SLC7A14: variants seen among roughly 807,000 people sequenced by gnomAD.
The protein encoded by SLC7A14 is gamma-aminobutyric acid transporter SLC7A14.
SLC7A14 carries 37 observed loss-of-function variants against 60.2 expected under a neutral mutation model. The ratio of observed to expected loss-of-function variants is 0.61; its 90% CI spans 0.47 to 0.81. The LOEUF (loss-of-function observed/expected upper bound fraction) is 0.81, where lower values mean the gene tolerates loss of function less well. Ranked by LOEUF, SLC7A14 falls within the 30% of genes least tolerant of loss-of-function variation. The pLI, the probability that SLC7A14 is intolerant of heterozygous loss-of-function variation, is 0.00. For synonymous variants in SLC7A14, 399 were observed against 395.8 expected, an observed-to-expected ratio of 1.01 and a Z score of -0.10; for missense variants, 886 against 982.7, an observed-to-expected ratio of 0.90 and a Z score of 1.32.
intron 1 of SLC7A14, among the ~76,000 whole-genome samples, chr3:170,562,404 C>T (rs985014960): frequency 2.0e-5 from 3 of 150,402 alleles, no homozygotes; most frequent in African/African-American, 7.3e-5. Context: ...GAAAATGAAA[C>T]TTGTATGTTC....
chr3:170,480,950 C>G lies in SLC7A14; in HGVS notation c.1332G>C (p.Leu444Phe). The G allele has an allele frequency of 1.2e-6, 2 of 1,614,086 alleles. No individual in the cohort carries two copies. The highest frequency in any genetic ancestry group is 1.7e-6 in the Non-Finnish European group (2 of 1,180,028). Reference sequence around the variant, plus strand: ...CCTTCTTCTTGGTGTGCTCCTCAGACAAGAACTTGACAAAACCATCAATGT... The same window carrying G: ...CCTTCTTCTTGGTGTGCTCCTCAGAGAAGAACTTGACAAAACCATCAATGT... ...ESDIDGFVKF[L>F]SEEHTKKKEG... Residue 444 changes from leucine (L) to phenylalanine (F), a missense_variant, in exon 7 of 8, where the codon TTG becomes TTC. Leu to Phe is a conservative substitution (Grantham distance 22). Coordinates refer to ENST00000231706, the MANE Select transcript of SLC7A14 (RefSeq NM_020949.3).
rs536834948 is a variant in SLC7A14 at position 170,468,818 on chromosome 3, C to A, written c.1994-1441G>T. ...ATGAGAGCTATAGCAACCCTCTTAA[C>A]ATGGGAGTGCTTGAGGATGAAATGA... On this transcript the variant is annotated intron_variant, in intron 7 of 7. Transcript: ENST00000231706. Among the ~76,000 whole-genome samples, 6 of 152,296 alleles carry A rather than the reference C, an allele frequency of 3.9e-5. No individual in the cohort carries two copies. The South Asian group carries it at 1.2e-3, about 32-fold the overall frequency.
intron 1 of SLC7A14, among the ~76,000 whole-genome samples, chr3:170,566,690 C>T (rs920007332): frequency 2.6e-5 from 4 of 151,930 alleles, no homozygotes; most frequent in South Asian, 4.2e-4. Flanking sequence ...CGTCAAGGCC[C>T]GGAAGAGATG....
chr3:170,576,489 G>T (rs1287085274), intron 1 of SLC7A14, among the ~76,000 whole-genome samples: 3 of 152,080 alleles, frequency 2.0e-5, no homozygotes, highest in Non-Finnish European at 4.4e-5. Flanking sequence ...AGCTTCTGGG[G>T]GCTAATTTTA....
intron 1 of SLC7A14, among the ~76,000 whole-genome samples, chr3:170,554,599 G>A (rs887590919): frequency 2.6e-5 from 4 of 152,146 alleles, no homozygotes; most frequent in African/African-American, 9.7e-5. Context: ...TGAGCCACCA[G>A]CTGCCCTGAC....
At chr3:170,568,516 C>T (rs1382706795) in intron 1 of SLC7A14, among the ~76,000 whole-genome samples, 1 of 152,102 alleles carries the variant, frequency 6.6e-6, no homozygotes, top group Non-Finnish European at 1.5e-5. Flanking sequence ...TCCATATGAA[C>T]TTTAAAGTAG....
intron 1 of SLC7A14, among the ~76,000 whole-genome samples, chr3:170,555,668 T>A (rs75639003): frequency 0.013 from 1,956 of 152,234 alleles, 42 homozygotes; most frequent in African/African-American, 0.045. Context: ...ACTATACTAA[T>A]ACTGGAGGCA....
intron 1 of SLC7A14, among the ~76,000 whole-genome samples, chr3:170,560,843 C>T (rs758573392): frequency 1.3e-5 from 2 of 152,196 alleles, no homozygotes; most frequent in East Asian, 1.9e-4. Flanking sequence ...TGCATTGCTT[C>T]GGTCACATAT....
chr3:170,539,942 C>G (rs1713966699), intron 1 of SLC7A14, among the ~76,000 whole-genome samples: 1 of 152,182 alleles, frequency 6.6e-6, no homozygotes, highest in Non-Finnish European at 1.5e-5. Context: ...AGCATCACTA[C>G]TATTGTACTT....
chr3:170,496,797 C>T (rs1712413041), intron 4 of SLC7A14, among the ~76,000 whole-genome samples: 1 of 152,206 alleles, frequency 6.6e-6, no homozygotes, highest in Non-Finnish European at 1.5e-5. Context: ...TCAGCCGCAC[C>T]GGCTCCGCCA....
intron 1 of SLC7A14, among the ~76,000 whole-genome samples, chr3:170,553,378 A>G (rs1430501377): frequency 6.6e-6 from 1 of 152,200 alleles, no homozygotes; most frequent in Non-Finnish European, 1.5e-5. Flanking sequence ...TTGTTTATAT[A>G]CTACATATGC....
At chr3:170,569,580 G>A (rs1409408638) in intron 1 of SLC7A14, among the ~76,000 whole-genome samples, 6 of 152,154 alleles carry the variant, frequency 3.9e-5, no homozygotes, top group Non-Finnish European at 8.8e-5. Context: ...GGTTTCAGAA[G>A]GAATGGTACC....
chr3:170,581,734 C>T (rs369084804), intron 1 of SLC7A14, among the ~76,000 whole-genome samples: 4 of 152,214 alleles, frequency 2.6e-5, no homozygotes, highest in Admixed American at 6.5e-5. Flanking sequence ...AAAGTACTTT[C>T]GTATACCTAC....
chr3:170,542,408 C>G (rs983045316), intron 1 of SLC7A14, among the ~76,000 whole-genome samples: 1 of 152,194 alleles, frequency 6.6e-6, no homozygotes, highest in African/African-American at 2.4e-5. Context: ...CCCACCGGCA[C>G]CAGGCCACTC....
At chr3:170,491,789 C>T (rs373752904) in intron 4 of SLC7A14, among the ~76,000 whole-genome samples, 14 of 152,132 alleles carry the variant, frequency 9.2e-5, no homozygotes, top group African/African-American at 3.1e-4. Context: ...GTATTTCCCA[C>T]TGGCTAAATT....
intron 1 of SLC7A14, among the ~76,000 whole-genome samples, chr3:170,540,629 T>A (rs903816140): frequency 2.6e-5 from 4 of 152,162 alleles, no homozygotes; most frequent in Non-Finnish European, 5.9e-5. Context: ...ACATTTTGGA[T>A]CCATGGTCCA....
At chr3:170,497,730 C>T (rs1433218553) in intron 4 of SLC7A14, among the ~76,000 whole-genome samples, 1 of 152,230 alleles carries the variant, frequency 6.6e-6, no homozygotes, top group Admixed American at 6.5e-5. Flanking sequence ...AAATCCACAA[C>T]ATAAGTATTT....
chr3:170,469,967 G>T (rs1256479269), intron 7 of SLC7A14, among the ~76,000 whole-genome samples: 1 of 152,006 alleles, frequency 6.6e-6, no homozygotes, highest in Non-Finnish European at 1.5e-5. Context: ...CCCCCACAAG[G>T]TATTTTGGGT....
At chr3:170,570,099 T>G (rs1714904897) in intron 1 of SLC7A14, 1 of 152,164 alleles carries the variant, frequency 6.6e-6, no homozygotes, top group African/African-American at 2.4e-5. Flanking sequence ...TTGGTTTGTT[T>G]TTGGTCTTAT....
Sources: allele counts gnomAD v4.1 joint callset (sites outside exome capture counted in the v4.1 genomes callset), GRCh38; gene constraint gnomAD v4.1.1; transcripts MANE v1.5; gene names NCBI Gene and HGNC (gene_info 2026-07-23, HGNC 2026-07-21).